METTL15: variants seen among roughly 807,000 people sequenced by gnomAD.
METTL15 encodes methyltransferase 15, mitochondrial 12S rRNA N4-cytidine, also known as 12S rRNA N(4)-cytidine methyltransferase METTL15.
A neutral mutation model predicts 38.3 loss-of-function variants in METTL15; 34 were observed. The ratio of observed to expected loss-of-function variants is 0.89; its 90% CI spans 0.68 to 1.18. The LOEUF (loss-of-function observed/expected upper bound fraction) is 1.18. Ranked by LOEUF, METTL15 falls within the 50% of genes most tolerant of loss-of-function variation. METTL15 has a pLI of 0.00. For missense variants in METTL15, 438 were observed against 498.4 expected (o/e 0.88, Z 1.15); for synonymous variants, 162 against 170.9 (o/e 0.95, Z 0.41).
chr11:28,152,227 C>T (rs1850115090), intron 3 of METTL15, among the ~76,000 whole-genome samples: 1 of 151,514 alleles, frequency 6.6e-6, no homozygotes, highest in South Asian at 2.1e-4. Flanking sequence ...GTCCTCAAAG[C>T]CTATGTGTGC....
At chr11:28,166,042 C>T (rs1232785100) in intron 3 of METTL15, among the ~76,000 whole-genome samples, 2 of 152,042 alleles carry the variant, frequency 1.3e-5, no homozygotes, top group Non-Finnish European at 2.9e-5. Context: ...ATTATAATGG[C>T]TTTCAAATAT....
chr11:28,385,759 C>T (rs1408842047), intron 5 of METTL15, among the ~76,000 whole-genome samples: 1 of 152,026 alleles, frequency 6.6e-6, no homozygotes, highest in Admixed American at 6.6e-5. Flanking sequence ...AATATTCATT[C>T]TAGCTGATGA....
intron 6 of METTL15, among the ~76,000 whole-genome samples, chr11:28,431,793 A>T (rs866126436): frequency 7.5e-5 from 2 of 26,586 alleles, no homozygotes; most frequent in East Asian, 2.0e-3. Context: ...ATAAATTTAA[A>T]AAAAAAAAAA....
At chr11:28,425,612 G>A (rs1850856974) in intron 6 of METTL15, among the ~76,000 whole-genome samples, 1 of 152,114 alleles carries the variant, frequency 6.6e-6, no homozygotes, top group Admixed American at 6.6e-5. Flanking sequence ...CACCTTCAGG[G>A]AATATTTGGT....
intron 3 of METTL15, among the ~76,000 whole-genome samples, chr11:28,129,573 C>A (rs914057859): frequency 6.6e-6 from 1 of 151,952 alleles, no homozygotes; most frequent in Non-Finnish European, 1.5e-5. Flanking sequence ...CTACGCCTGG[C>A]TGATTTTTAT....
chr11:28,478,723 C>G (rs1851368546), intron 6 of METTL15, among the ~76,000 whole-genome samples: 1 of 152,078 alleles, frequency 6.6e-6, no homozygotes, highest in African/African-American at 2.4e-5. Context: ...AAACATGAAG[C>G]AGTAAGCAAC....
chr11:28,479,795 C>T (rs1851380415), intron 6 of METTL15, among the ~76,000 whole-genome samples: 1 of 152,104 alleles, frequency 6.6e-6, no homozygotes, highest in African/African-American at 2.4e-5. Flanking sequence ...TAAATATGTA[C>T]ATGTTTATAA....
intron 4 of METTL15, among the ~76,000 whole-genome samples, chr11:28,287,780 CA>C (rs1856342077): frequency 6.6e-6 from 1 of 152,122 alleles, no homozygotes; most frequent in African/African-American, 2.4e-5. Flanking sequence ...TCAAGGGGAT[CA>C]GGCATAATTT....
chr11:28,233,263 A>T (rs1317296079), intron 4 of METTL15, among the ~76,000 whole-genome samples: 1 of 152,104 alleles, frequency 6.6e-6, no homozygotes, highest in Non-Finnish European at 1.5e-5. Flanking sequence ...GATAATAATT[A>T]AAAGAAGACT....
intron 6 of METTL15, among the ~76,000 whole-genome samples, chr11:28,300,103 T>C (rs1469162842): frequency 6.6e-6 from 1 of 152,158 alleles, no homozygotes; most frequent in Non-Finnish European, 1.5e-5. Flanking sequence ...TGGGTAGACA[T>C]GAATTGTGCT....
intron 6 of METTL15, among the ~76,000 whole-genome samples, chr11:28,303,261 A>G (rs1351651705): frequency 6.6e-6 from 1 of 152,172 alleles, no homozygotes; most frequent in African/African-American, 2.4e-5. Context: ...GAATAATTCT[A>G]GACCTCATCT....
chr11:28,531,739 T>TC (rs1173738302), downstream of METTL15, among the ~76,000 whole-genome samples: 1 of 152,072 alleles, frequency 6.6e-6, no homozygotes, highest in Non-Finnish European at 1.5e-5. Context: ...AATTTAGTAA[T>TC]AATTGAAACG....
chr11:28,159,613 A>G (rs1353342327), intron 3 of METTL15, among the ~76,000 whole-genome samples: 1 of 152,154 alleles, frequency 6.6e-6, no homozygotes, highest in Non-Finnish European at 1.5e-5. Flanking sequence ...TGTTAAAAAC[A>G]TGTTTGTGCA....
chr11:28,312,735 G>A (rs1388175660), intron 6 of METTL15, among the ~76,000 whole-genome samples: 2 of 152,116 alleles, frequency 1.3e-5, no homozygotes, highest in African/African-American at 4.8e-5. Flanking sequence ...TCTCATGGCA[G>A]AAAGGCAGAA....
At chr11:28,109,293 T>C (rs927830948) in intron 1 of METTL15, among the ~76,000 whole-genome samples, 4 of 152,226 alleles carry the variant, frequency 2.6e-5, no homozygotes, top group South Asian at 2.1e-4. Flanking sequence ...CTGTATTACG[T>C]GTATCTTAGC....
intron 4 of METTL15, among the ~76,000 whole-genome samples, chr11:28,243,789 C>A (rs190727933): frequency 6.6e-6 from 1 of 152,038 alleles, no homozygotes; most frequent in South Asian, 2.1e-4. Context: ...AGTCTTCCCC[C>A]GGAGAATGTC....
At chr11:28,351,357 C>G (rs987918326) in intron 3 of METTL15, among the ~76,000 whole-genome samples, 1 of 152,098 alleles carries the variant, frequency 6.6e-6, no homozygotes, top group African/African-American at 2.4e-5. Context: ...GCAATCCAGT[C>G]CACCCACCTC....
chr11:28,262,774 T>G (rs1855259876), intron 4 of METTL15, among the ~76,000 whole-genome samples: 1 of 152,128 alleles, frequency 6.6e-6, no homozygotes, highest in Admixed American at 6.5e-5. Context: ...TCATTCAGAT[T>G]AAGCACCTTC....
chr11:28,519,939 C>T (rs967905746), intron 6 of METTL15, among the ~76,000 whole-genome samples: 9 of 152,140 alleles, frequency 5.9e-5, no homozygotes, highest in Admixed American at 1.3e-4. Flanking sequence ...TTTTCCAACA[C>T]GGCTGATTCT....
Sources: allele counts gnomAD v4.1 joint callset (sites outside exome capture counted in the v4.1 genomes callset), GRCh38; gene constraint gnomAD v4.1.1; transcripts MANE v1.5; gene names NCBI Gene and HGNC (gene_info 2026-07-23, HGNC 2026-07-21).